ACAA1: variants seen among roughly 807,000 people sequenced by gnomAD.
ACAA1 encodes 3-ketoacyl-CoA thiolase, peroxisomal.
A neutral mutation model predicts 48.8 loss-of-function variants in ACAA1; 44 were observed. That is an observed-to-expected ratio of 0.90 (90% CI 0.71 to 1.16). The LOEUF (loss-of-function observed/expected upper bound fraction) is 1.16. ACAA1 is among the 50% of genes most tolerant of loss of function. The probability of loss-of-function intolerance (pLI) is 0.00; values close to 1 mark genes in which losing one functional copy is unlikely to be tolerated. For missense variants in ACAA1, 512 were observed against 562.3 expected (o/e 0.91, Z 0.90); for synonymous variants, 233 against 226.5 (o/e 1.03, Z -0.26).
At chr3:38,131,446 T>C in intron 5 of ACAA1, 150 bp downstream of exon 5, 1 of 769,370 alleles carries the variant, frequency 1.3e-6, no homozygotes. Context: ...TGGTAGCCAC[T>C]CTTAACCTGC....
intron 5 of ACAA1, among the ~76,000 whole-genome samples, chr3:38,131,104 C>T (rs1315878127): frequency 6.6e-6 from 1 of 152,212 alleles, no homozygotes; most frequent in East Asian, 1.9e-4. Context: ...CACCACAGAT[C>T]TAATTATGTC....
chr3:38,133,866 C>T (rs1575266096), intron 3 of ACAA1, 86 bp downstream of exon 3: 2 of 1,442,844 alleles, frequency 1.4e-6, no homozygotes, highest in East Asian at 2.3e-5. Flanking sequence ...CCTTATCCTC[C>T]CCAACCTGCA....
intron 1 of ACAA1, 63 bp from the exon 2 acceptor site, chr3:38,136,748 G>A (rs1700907210): frequency 6.6e-7 from 1 of 1,515,666 alleles, no homozygotes. Flanking sequence ...GGGAGACAAA[G>A]CGACCACAGC....
intron 5 of ACAA1, among the ~76,000 whole-genome samples, chr3:38,130,998 C>T (rs1031553866): frequency 2.0e-5 from 3 of 152,216 alleles, no homozygotes; most frequent in Non-Finnish European, 4.4e-5. Context: ...GTGCCCTGAC[C>T]TTCCCTGGAG....
At position 38,131,568 on chromosome 3, in the gene ACAA1, A is replaced by C. The variant is rs745622031; in HGVS notation, c.446+28T>G. The C allele has an allele frequency of 3.7e-6, 6 of 1,613,090 alleles. No homozygotes were observed. The Admixed American group carries it at 1.0e-4, about 27-fold the overall frequency. ...TAGTTTTATTGTCACAAGTTGGTTA[A>C]TAAGCTCCGGCAGAAAAAAATTCTT... On this transcript the variant is annotated intron_variant, in intron 5 of 11. Transcript: ENST00000333167.
At chr3:38,130,474 G>A (rs1004409188) in intron 5 of ACAA1, among the ~76,000 whole-genome samples, 1 of 152,192 alleles carries the variant, frequency 6.6e-6, no homozygotes, top group Non-Finnish European at 1.5e-5. Flanking sequence ...AGGTAGTCTG[G>A]TCCCAGAGCC....
chr3:38,137,058 C>G lies in ACAA1; in HGVS notation c.-23G>C. 6.5e-7 allele frequency: 1 copy of G among 1,527,180 alleles called. No individual in the cohort carries two copies. The highest frequency in any genetic ancestry group is 8.8e-7 in the Non-Finnish European group (1 of 1,140,702). The allele number at this position is 1,527,180 out of a possible 1,614,324, so 94.6% of individuals were successfully genotyped here. Reference sequence around the variant, plus strand: ...CATTGCGCAGGTCAACCCTGCAGACCAGCCACCAGTCCGGGAACTGACCGC... The same window carrying G: ...CATTGCGCAGGTCAACCCTGCAGACGAGCCACCAGTCCGGGAACTGACCGC... On this transcript the variant is annotated 5_prime_UTR_variant, in exon 1 of 12. Coordinates refer to ENST00000333167, the MANE Select transcript of ACAA1 (RefSeq NM_001607.4).
chr3:38,130,466 G>C lies in ACAA1; in HGVS notation c.447-1078C>G, dbSNP rs562072916. Among the ~76,000 whole-genome samples, 3 of 152,282 alleles carry C rather than the reference G, an allele frequency of 2.0e-5. No individual in the cohort carries two copies. In the East Asian group the frequency reaches 5.8e-4, roughly 29 times the overall value. ...TGACCCAGCCTGGATCCACATTTAG[G>C]TAGTCTGGTCCCAGAGCCCACTTCC... On this transcript the variant is annotated intron_variant, in intron 5 of 11. Coordinates refer to ENST00000333167, the MANE Select transcript of ACAA1 (RefSeq NM_001607.4).
chr3:38,131,651 C>T lies in ACAA1; in HGVS notation c.404-13G>A, dbSNP rs74869832. On this transcript the variant is annotated splice_polypyrimidine_tract_variant and intron_variant, in intron 4 of 11. Coordinates refer to ENST00000333167, the MANE Select transcript of ACAA1 (RefSeq NM_001607.4). ...TTTCTGATGCCACCTGTAACAAAAGCATTTCATAAACATCCTTTGCCAGAG... is the reference window on the plus strand; with the variant it reads ...TTTCTGATGCCACCTGTAACAAAAGTATTTCATAAACATCCTTTGCCAGAG... 857 of 1,614,148 alleles carry T rather than the reference C, an allele frequency of 5.3e-4. 3 individuals are homozygous for T. The African/African-American group carries it at 0.01, about 19-fold the overall frequency.
At chr3:38,123,157 C>A in intron 11 of ACAA1, 35 bp from the exon 12 acceptor site, 1 of 1,605,232 alleles carries the variant, frequency 6.2e-7, no homozygotes, top group Admixed American at 1.7e-5. Context: ...TGGGCAAAGG[C>A]ACCCACCAAA....
rs1479724158 is a variant in ACAA1, at chr3:38,126,844, G to C, written c.627-144C>G. On this transcript the variant is annotated intron_variant, in intron 7 of 11. Coordinates refer to ENST00000333167, the MANE Select transcript of ACAA1 (RefSeq NM_001607.4). The surrounding 1 kb of genome is among the most constrained non-coding windows in gnomAD (Gnocchi z 4.7). ...GACTTTGGGGGAGCTCTGAGGGCATGGCTAAGGCCTTACAGGGCCTTCTTC... is the reference window on the plus strand; with the variant it reads ...GACTTTGGGGGAGCTCTGAGGGCATCGCTAAGGCCTTACAGGGCCTTCTTC... 4.0e-6 allele frequency: 4 copies of C among 992,564 alleles called. No homozygotes were observed. The East Asian group carries it at 7.8e-5, about 19-fold the overall frequency. The allele number at this position is 992,564 out of a possible 1,614,324, so 61.5% of individuals were successfully genotyped here.
chr3:38,135,789 CTAA>C (rs2125771822), intron 2 of ACAA1, among the ~76,000 whole-genome samples: 1 of 152,242 alleles, frequency 6.6e-6, no homozygotes, highest in South Asian at 2.1e-4. Context: ...TCCTCTTTTA[CTAA>C]TACTCCTCAG....
intron 7 of ACAA1, chr3:38,127,544 G>C: frequency 1.8e-6 from 1 of 555,076 alleles, no homozygotes; most frequent in Non-Finnish European, 3.2e-6. Context: ...TAACAGAGGG[G>C]GAAACTGAGG....
chr3:38,134,211 C>G, intron 2 of ACAA1: 1 of 598,048 alleles, frequency 1.7e-6, no homozygotes, highest in Non-Finnish European at 3.0e-6. Context: ...TCCACCAGCT[C>G]CTGTCCCTGA....
At chr3:38,133,759 T>C in intron 3 of ACAA1, 193 bp downstream of exon 3, 1 of 607,510 alleles carries the variant, frequency 1.6e-6, no homozygotes, top group Non-Finnish European at 3.0e-6. Context: ...GTCCCAAAGG[T>C]TTTGTGTATC....
At chr3:38,136,537 T>C (rs1700896854) in intron 2 of ACAA1, 55 bp downstream of exon 2, 1 of 1,602,740 alleles carries the variant, frequency 6.2e-7, no homozygotes, top group Non-Finnish European at 8.5e-7. Flanking sequence ...AGGAGAGCTC[T>C]GGACGAACGG....
chr3:38,127,916 G>GA, intron 6 of ACAA1, 50 bp from the exon 7 acceptor site: 1 of 1,586,966 alleles, frequency 6.3e-7, no homozygotes, highest in Non-Finnish European at 8.7e-7. Context: ...CAGCCTAGAG[G>GA]AAGGGACCAG....
rs145732427 is a variant in ACAA1 at position 38,123,077 on chromosome 3, G to A, written c.1245C>T (p.Ala415=). 404 of 1,614,156 alleles carry A rather than the reference G, an allele frequency of 2.5e-4. No homozygotes were observed. Among genetic ancestry groups the A allele is most frequent in the East Asian group, 2.3e-3 (103 of 44,888 alleles). ...VSMCIGTGMG[A]AAVFEYPGN The stretch of plus-strand genomic sequence containing the variant: ...TCCCAGGGTATTCAAAGACGGCAGC[G>A]GCTCCCATTCCAGTCCCGATGCACA... The change falls in exon 12 of 12, where the codon GCC becomes GCT. Residue 415 remains alanine (A), a synonymous_variant. Transcript: ENST00000333167.
In ACAA1 at chr3:38,127,882, C is replaced by T; in HGVS notation, c.546-16G>A. The T allele has an allele frequency of 1.2e-6, 2 of 1,613,952 alleles. No individual in the cohort carries two copies. The highest frequency in any genetic ancestry group is 1.7e-6 in the Non-Finnish European group (2 of 1,179,850). On this transcript the variant is annotated splice_polypyrimidine_tract_variant and intron_variant, in intron 6 of 11. Transcript: ENST00000333167. ...AGAGGTTATCCTAGAACACAAACAGCAGATAGTGTGGGCATTGGTCTGACA... is the reference window on the plus strand; with the variant it reads ...AGAGGTTATCCTAGAACACAAACAGTAGATAGTGTGGGCATTGGTCTGACA...
Sources: allele counts gnomAD v4.1 joint callset (sites outside exome capture counted in the v4.1 genomes callset), GRCh38; gene constraint gnomAD v4.1.1; non-coding constraint Gnocchi (gnomAD v3.1); transcripts MANE v1.5; gene names NCBI Gene and HGNC (gene_info 2026-07-23, HGNC 2026-07-21).